The following CREB5 variants were observed in gnomAD, a reference collection of about 807,000 sequenced individuals.
CREB5 encodes cAMP responsive element binding protein 5, also known as cyclic AMP-responsive element-binding protein 5.
In CREB5, 19 loss-of-function variants were observed where a neutral mutation model predicts 57.1. That is an observed-to-expected ratio of 0.33 (90% CI 0.23 to 0.49). CREB5 has a LOEUF of 0.49. CREB5 is among the 20% of genes least tolerant of loss of function. The pLI is 0.99. For synonymous variants in CREB5, 238 were observed against 238.3 expected (o/e 1.00, Z 0.01); for missense variants, 579 against 671.6 (o/e 0.86, Z 1.52).
At chr7:28,607,968 A>G (rs572557400) in intron 5 of CREB5, among the ~76,000 whole-genome samples, 3 of 152,110 alleles carry the variant, frequency 2.0e-5, no homozygotes, top group South Asian at 2.1e-4. Flanking sequence ...AGCGCCGTAC[A>G]TGGTGTTTCC....
intron 4 of CREB5, among the ~76,000 whole-genome samples, chr7:28,520,164 T>C (rs1164735271): frequency 6.6e-6 from 1 of 152,228 alleles, no homozygotes; most frequent in African/African-American, 2.4e-5. Context: ...AAAGGCTAAG[T>C]AGGTACTACT....
chr7:28,680,406 A>G (rs1164382683), intron 5 of CREB5, among the ~76,000 whole-genome samples: 2 of 152,150 alleles, frequency 1.3e-5, no homozygotes, highest in Non-Finnish European at 2.9e-5. Flanking sequence ...GAATCAGTGT[A>G]GTTAGTCTGA....
At chr7:28,431,950 G>T (rs796866409) in intron 1 of CREB5, among the ~76,000 whole-genome samples, 10 of 150,228 alleles carry the variant, frequency 6.7e-5, no homozygotes, top group African/African-American at 2.4e-4. Context: ...GGGAACATTT[G>T]CAGGATTTGA....
At chr7:28,637,521 T>C (rs76474379) in intron 5 of CREB5, among the ~76,000 whole-genome samples, 141 of 152,224 alleles carry the variant, frequency 9.3e-4, no homozygotes, top group Non-Finnish European at 1.9e-3. Flanking sequence ...GGAGTTTGAA[T>C]AGAGGGGCAG....
At chr7:28,632,552 A>G (rs1798242834) in intron 5 of CREB5, among the ~76,000 whole-genome samples, 2 of 152,160 alleles carry the variant, frequency 1.3e-5, no homozygotes, top group South Asian at 2.1e-4. Context: ...AGTTTTGTTC[A>G]CCATCATTAG....
intron 4 of CREB5, among the ~76,000 whole-genome samples, chr7:28,532,510 T>C (rs1337775542): frequency 6.6e-6 from 1 of 152,240 alleles, no homozygotes; most frequent in Non-Finnish European, 1.5e-5. Flanking sequence ...GCCTCTACTT[T>C]GTGAACAGTG....
chr7:28,447,599 C>A (rs917480626), intron 1 of CREB5, among the ~76,000 whole-genome samples: 1 of 152,102 alleles, frequency 6.6e-6, no homozygotes, highest in African/African-American at 2.4e-5. Context: ...AACATGGACC[C>A]TACACATGCA....
chr7:28,684,128 G>T (rs1800731595), intron 5 of CREB5, among the ~76,000 whole-genome samples: 2 of 152,152 alleles, frequency 1.3e-5, no homozygotes, highest in South Asian at 4.1e-4. Flanking sequence ...AAGTGTAAAG[G>T]CTTGTAGAAG....
chr7:28,745,675 T>C (rs755744275), intron 7 of CREB5, among the ~76,000 whole-genome samples: 3 of 152,088 alleles, frequency 2.0e-5, no homozygotes, highest in Non-Finnish European at 4.4e-5. Context: ...CTAGAGCAGA[T>C]GATCCACACC....
At chr7:28,437,466 C>A (rs1197479456) in intron 1 of CREB5, among the ~76,000 whole-genome samples, 1 of 152,066 alleles carries the variant, frequency 6.6e-6, no homozygotes, top group Admixed American at 6.6e-5. Flanking sequence ...GGCCCAAATC[C>A]CACTGAATCT....
At chr7:28,723,653 C>T (rs997860873) in intron 6 of CREB5, among the ~76,000 whole-genome samples, 3 of 152,134 alleles carry the variant, frequency 2.0e-5, no homozygotes, top group African/African-American at 4.8e-5. Flanking sequence ...ACTAGGGTGA[C>T]AGGAAGGCCC....
At chr7:28,539,501 C>G (rs1382886059) in intron 4 of CREB5, among the ~76,000 whole-genome samples, 1 of 152,208 alleles carries the variant, frequency 6.6e-6, no homozygotes, top group Non-Finnish European at 1.5e-5. Flanking sequence ...AAGCCTGTTT[C>G]TCAAGATATT....
At chr7:28,638,229 C>T (rs970988152) in intron 5 of CREB5, among the ~76,000 whole-genome samples, 1 of 149,256 alleles carries the variant, frequency 6.7e-6, no homozygotes, top group African/African-American at 2.5e-5. Context: ...TGATCCCTGC[C>T]TTCATTCAAA....
At chr7:28,662,746 T>C (rs998347894) in intron 5 of CREB5, among the ~76,000 whole-genome samples, 6 of 152,168 alleles carry the variant, frequency 3.9e-5, no homozygotes, top group African/African-American at 1.4e-4. Flanking sequence ...AAAAAGCTTT[T>C]GGTAAATGAG....
At chr7:28,350,839 G>A (rs1251400063) in intron 1 of CREB5, among the ~76,000 whole-genome samples, 2 of 152,130 alleles carry the variant, frequency 1.3e-5, no homozygotes, top group Non-Finnish European at 2.9e-5. Flanking sequence ...TGATAACTGC[G>A]CTGCTAGATT....
Position 28,404,426 on chromosome 7 carries a change from A to G in CREB5, c.-24-90480A>G, listed in dbSNP as rs576146013. On this transcript the variant is annotated intron_variant, in intron 1 of 9. Transcript: ENST00000396299. ...ATCCCACTCAGTCAGAGAGATCATG[A>G]ATTTACCTTGTATTTGATTTGAGTC... Among the ~76,000 whole-genome samples the G allele has an allele frequency of 7.7e-4, 117 of 152,138 alleles. 1 individual carries two copies. The highest frequency in any genetic ancestry group is 3.3e-4 in the Admixed American group (5 of 15,276).
chr7:28,529,877 C>T (rs886083742), intron 4 of CREB5, among the ~76,000 whole-genome samples: 13 of 152,198 alleles, frequency 8.5e-5, no homozygotes, highest in African/African-American at 2.4e-4. Flanking sequence ...GTTTCTTCTA[C>T]GGTGAGGCTA....
At position 28,494,923 on chromosome 7, in the gene CREB5, CCAT is replaced by C. The variant is rs762985710; in HGVS notation, c.95_97del (p.His32del). The C allele has an allele frequency of 1.2e-6, 2 of 1,603,274 alleles. No homozygotes were observed. The highest frequency in any genetic ancestry group is 1.7e-6 in the Non-Finnish European group (2 of 1,177,494). ...TCCGACAGCGCTTCCCAACAGAGGA[CCAT>C]CTGATGATTCATAGGCACAAACATG... On this transcript the variant is annotated inframe_deletion, in exon 3 of 11. Transcript: ENST00000357727.
intron 4 of CREB5, among the ~76,000 whole-genome samples, chr7:28,536,072 CT>C (rs1290540539): frequency 1.5e-4 from 23 of 152,146 alleles, no homozygotes; most frequent in African/African-American, 5.3e-4. Flanking sequence ...CAAGTCACTC[CT>C]CATAGAGTGT....
Sources: allele counts gnomAD v4.1 joint callset (sites outside exome capture counted in the v4.1 genomes callset), GRCh38; gene constraint gnomAD v4.1.1; transcripts MANE v1.5; gene names NCBI Gene and HGNC (gene_info 2026-07-23, HGNC 2026-07-21).